The following GNB1L variants were observed in gnomAD, a reference collection of about 807,000 sequenced individuals.
GNB1L encodes G protein subunit beta 1 like.
In GNB1L, 20 loss-of-function variants were observed where a neutral mutation model predicts 29.1. That is an observed-to-expected ratio of 0.69 (90% CI 0.48 to 1.00). The LOEUF (loss-of-function observed/expected upper bound fraction) is 1.00, where lower values mean the gene tolerates loss of function less well. Among genes scored for constraint, GNB1L ranks in the 50% least tolerant of loss-of-function variants. GNB1L has a pLI of 0.00. For missense variants in GNB1L, 421 were observed against 464.9 expected (o/e 0.91, Z 0.87); for synonymous variants, 193 against 206.5 (o/e 0.93, Z 0.56).
In GNB1L at chr22:19,851,351, G is replaced by A. The variant is rs763737723; in HGVS notation, c.-21+3092C>T. ...CTGGGCAGGAGGATTAGCTGACTCC[G>A]ACAGTCTAGGGACAGGTGTGGGGGC... On this transcript the variant is annotated intron_variant, in intron 2 of 7. Transcript: ENST00000329517. The A allele has an allele frequency of 1.4e-5, 22 of 1,614,146 alleles. No homozygotes were observed. In the East Asian group the frequency reaches 2.7e-4, roughly 20 times the overall value.
At chr22:19,846,393 C>A in intron 2 of GNB1L, 1 of 983,544 alleles carries the variant, frequency 1.0e-6, no homozygotes, top group Non-Finnish European at 1.2e-6. Flanking sequence ...CCATACAGCA[C>A]AACTGGGCAC....
chr22:19,817,071 TGGAGAGAGGTCTCTC>T (rs1436840592), intron 4 of GNB1L, among the ~76,000 whole-genome samples: 1 of 152,158 alleles, frequency 6.6e-6, no homozygotes, highest in Non-Finnish European at 1.5e-5. Flanking sequence ...CTGGGAGACA[TGGAGAGAGGTCTCTC>T]GGACCTCGGT....
In GNB1L at chr22:19,834,098, G is replaced by C. The variant is rs1371379846; in HGVS notation, c.-20-12723C>G. ...CCCAAAAATTAATTGAATAAATAAT[G>C]CCTGAAATTTCACAAACTTAGAGAA... On this transcript the variant is annotated intron_variant, in intron 2 of 7. Transcript: ENST00000329517. Among the ~76,000 whole-genome samples, 4 of 151,964 alleles carry C rather than the reference G, an allele frequency of 2.6e-5. No homozygotes were observed. In the East Asian group the frequency reaches 7.7e-4, roughly 29 times the overall value.
At chr22:19,834,932 A>T (rs1937738249) in intron 2 of GNB1L, among the ~76,000 whole-genome samples, 1 of 152,224 alleles carries the variant, frequency 6.6e-6, no homozygotes, top group Non-Finnish European at 1.5e-5. Flanking sequence ...TAAAAAGGTG[A>T]AAAAGATATG....
intron 2 of GNB1L, among the ~76,000 whole-genome samples, chr22:19,830,113 T>C (rs1351812706): frequency 6.6e-6 from 1 of 152,104 alleles, no homozygotes; most frequent in Admixed American, 6.6e-5. Flanking sequence ...GGCAGGAGGA[T>C]TGCTTGAGCT....
At chr22:19,800,579 A>T (rs1009343195) in intron 7 of GNB1L, among the ~76,000 whole-genome samples, 1 of 152,194 alleles carries the variant, frequency 6.6e-6, no homozygotes, top group Non-Finnish European at 1.5e-5. Flanking sequence ...CAGAACGGGC[A>T]TCATGATGAT....
intron 2 of GNB1L, among the ~76,000 whole-genome samples, chr22:19,844,569 C>G (rs998717791): frequency 6.6e-6 from 1 of 152,212 alleles, no homozygotes; most frequent in Non-Finnish European, 1.5e-5. Context: ...CTCAGCTGAG[C>G]CAAGAGGAAA....
intron 2 of GNB1L, among the ~76,000 whole-genome samples, chr22:19,821,785 A>G (rs2145882708): frequency 6.6e-6 from 1 of 152,152 alleles, no homozygotes; most frequent in South Asian, 2.1e-4. Flanking sequence ...CTTCCTGTCC[A>G]CCACTGGCTG....
At chr22:19,809,389 A>G (rs574238775) in intron 5 of GNB1L, among the ~76,000 whole-genome samples, 1 of 152,182 alleles carries the variant, frequency 6.6e-6, no homozygotes, top group Admixed American at 6.5e-5. Flanking sequence ...ATCTGCTGAG[A>G]GCTACTTCCA....
At chr22:19,804,420 C>T (rs964951949) in intron 6 of GNB1L, among the ~76,000 whole-genome samples, 2 of 152,342 alleles carry the variant, frequency 1.3e-5, no homozygotes, top group African/African-American at 2.4e-5. Flanking sequence ...GTGGCCCCTG[C>T]CCTGAGGGCT....
In GNB1L at chr22:19,788,846, G is replaced by A. The variant is rs534300034; in HGVS notation, c.847C>T (p.Arg283Trp). 25 of 1,612,796 alleles carry A rather than the reference G, an allele frequency of 1.6e-5. No individual in the cohort carries two copies. The highest frequency in any genetic ancestry group is 8.9e-5 in the East Asian group (4 of 44,876). ...WDHRIRVFHWRTMQPLAVLAF... is the reference protein window; with the variant it reads ...WDHRIRVFHWWTMQPLAVLAF... ...AGCACGGCCAGTGGCTGCATCGTCC[G>A]CCAGTGGAACACGCGGATGCGGTGG... The change falls in exon 8 of 8, where the codon CGG becomes TGG. Residue 283 changes from arginine to tryptophan, a missense_variant. Coordinates refer to ENST00000329517, the MANE Select transcript of GNB1L (RefSeq NM_053004.3).
rs1207546414 is a variant in GNB1L, at chr22:19,828,139, C to T, written c.-20-6764G>A. On this transcript the variant is annotated intron_variant, in intron 2 of 7. Transcript: ENST00000329517. ...CAAGGATTCATTCTCAGAATTTACTCCTTGACTCAGAATATGTCACTCAAT... is the reference window on the plus strand; with the variant it reads ...CAAGGATTCATTCTCAGAATTTACTTCTTGACTCAGAATATGTCACTCAAT... Among the ~76,000 whole-genome samples the T allele has an allele frequency of 3.3e-5, 5 of 152,160 alleles. No individual in the cohort carries two copies. In the East Asian group the frequency reaches 7.7e-4, roughly 23 times the overall value.
chr22:19,831,866 A>G (rs1937685343), intron 2 of GNB1L, among the ~76,000 whole-genome samples: 1 of 152,156 alleles, frequency 6.6e-6, no homozygotes, highest in Non-Finnish European at 1.5e-5. Flanking sequence ...AGAAAAAGCT[A>G]TGAAAATGCC....
chr22:19,794,375 T>A (rs1360458638), intron 7 of GNB1L, among the ~76,000 whole-genome samples: 1 of 152,226 alleles, frequency 6.6e-6, no homozygotes, highest in African/African-American at 2.4e-5. Context: ...AAGGTCATCA[T>A]GTTTGTGAGG....
rs371580507 is a variant in GNB1L, at chr22:19,788,605, G to A, written c.*104C>T. On this transcript the variant is annotated 3_prime_UTR_variant, in exon 8 of 8. Transcript: ENST00000329517. The stretch of plus-strand genomic sequence containing the variant: ...GGGGACTCCATGGTCCTTGGGCCAT[G>A]ACTTGCTGGTCCTCAGAGGCCCTTG... 2.5e-5 allele frequency: 35 copies of A among 1,408,700 alleles called. No homozygotes were observed. The highest frequency in any genetic ancestry group is 5.0e-5 in the Admixed American group (3 of 59,668). 87.3% of individuals were successfully genotyped at this position (1,408,700 alleles called of 1,614,324 possible). A position where few individuals can be genotyped will look rare whatever the true frequency, so the allele number is the denominator to read the frequency against.
rs900517863 is a variant in GNB1L, at chr22:19,784,658, C to G, written c.*4051G>C. ...GTCAGCACATGGTGGCGCCCACCGT[C>G]GAGAGGGGAGGCCCCTTGGCACTGG... On this transcript the variant is annotated 3_prime_UTR_variant, in exon 8 of 8. Transcript: ENST00000329517. 2.0e-5 allele frequency: 3 copies of G among 152,270 alleles called. No individual in the cohort carries two copies. Among genetic ancestry groups the G allele is most frequent in the Non-Finnish European group, 2.9e-5 (2 of 68,066 alleles). The allele number at this position is 152,270 out of a possible 1,614,324, so 9.4% of individuals were successfully genotyped here.
chr22:19,821,360 G>T lies in GNB1L; in HGVS notation c.-5C>A. 1 of 1,611,730 alleles carries T rather than the reference G, an allele frequency of 6.2e-7. No homozygotes were observed. Among genetic ancestry groups the T allele is most frequent in the Non-Finnish European group, 8.5e-7 (1 of 1,179,658 alleles). ...CGGCGGGCAGGGGGCCGTCATGCTGGGCAGGATGCAGTTACCTGGGCACCA... is the reference window on the plus strand; with the variant it reads ...CGGCGGGCAGGGGGCCGTCATGCTGTGCAGGATGCAGTTACCTGGGCACCA... On this transcript the variant is annotated 5_prime_UTR_variant, in exon 3 of 8. Transcript: ENST00000329517.
intron 2 of GNB1L, among the ~76,000 whole-genome samples, chr22:19,844,178 C>T (rs112067867): frequency 6.6e-6 from 1 of 152,216 alleles, no homozygotes; most frequent in African/African-American, 2.4e-5. Context: ...GGCCCTGCTG[C>T]GTGTGAGGGA....
At chr22:19,792,874 T>A in intron 7 of GNB1L, 2 of 1,139,166 alleles carry the variant, frequency 1.8e-6, no homozygotes, top group South Asian at 1.2e-5. Context: ...GGACGTCTAG[T>A]CCACAGGAAG....
Sources: gnomAD v4.1 joint callset for allele counts (sites outside exome capture counted in the v4.1 genomes callset) on GRCh38, gnomAD v4.1.1 for gene constraint, MANE v1.5 for transcripts, NCBI Gene and HGNC (gene_info 2026-07-23, HGNC 2026-07-21) for gene names.